LRP1B: variants seen among roughly 807,000 people sequenced by gnomAD.
The protein encoded by LRP1B is low-density lipoprotein receptor-related protein 1B.
LRP1B carries 217 observed loss-of-function variants against 556.6 expected under a neutral mutation model. The observed-to-expected ratio is 0.39, with a 90% CI of 0.35 to 0.44. The LOEUF (loss-of-function observed/expected upper bound fraction) is 0.44. Among genes scored for constraint, LRP1B ranks in the 20% least tolerant of loss-of-function variants. LRP1B has a pLI of 1.00. For synonymous variants in LRP1B, 2,047 were observed against 1,865.8 expected, an observed-to-expected ratio of 1.10 and a Z score of -2.50; for missense variants, 5,053 against 5,620.8, an observed-to-expected ratio of 0.90 and a Z score of 3.23.
intron 3 of LRP1B, among the ~76,000 whole-genome samples, chr2:141,384,131 A>G (rs1030561279): frequency 6.6e-6 from 1 of 152,186 alleles, no homozygotes; most frequent in African/African-American, 2.4e-5. Context: ...TTAAAAGGTG[A>G]AAGGTCAAAT....
chr2:141,065,321 A>G (rs568398383), intron 7 of LRP1B, among the ~76,000 whole-genome samples: 5 of 152,070 alleles, frequency 3.3e-5, no homozygotes, highest in Admixed American at 3.3e-4. Context: ...TTGCATAACC[A>G]CAGTATATCT....
At chr2:141,591,415 T>G (rs1174378551) in intron 2 of LRP1B, among the ~76,000 whole-genome samples, 2 of 146,678 alleles carry the variant, frequency 1.4e-5, no homozygotes, top group Non-Finnish European at 3.0e-5. Context: ...GACCAGGCCA[T>G]AGGAAAAAAA....
At chr2:141,700,055 A>T (rs78420717) in intron 2 of LRP1B, among the ~76,000 whole-genome samples, 325 of 151,692 alleles carry the variant, frequency 2.1e-3, no homozygotes, top group African/African-American at 7.6e-3. Context: ...AACTTTAGAT[A>T]TTGCTTTATG....
At chr2:141,728,341 C>T (rs1025697992) in intron 2 of LRP1B, among the ~76,000 whole-genome samples, 5 of 152,086 alleles carry the variant, frequency 3.3e-5, no homozygotes, top group African/African-American at 7.2e-5. Flanking sequence ...CCAGAGCAGC[C>T]GTGCCTCCCT....
chr2:141,106,354 C>T (rs1400401353), intron 7 of LRP1B, among the ~76,000 whole-genome samples: 1 of 152,120 alleles, frequency 6.6e-6, no homozygotes, highest in Non-Finnish European at 1.5e-5. Context: ...AGGAAAACAC[C>T]TAGGTGCTTA....
chr2:141,368,499 A>G (rs1689122036), intron 3 of LRP1B, among the ~76,000 whole-genome samples: 1 of 152,234 alleles, frequency 6.6e-6, no homozygotes, highest in Non-Finnish European at 1.5e-5. Flanking sequence ...CATCCATCAT[A>G]TGAGGACAGA....
chr2:140,632,188 C>T (rs1683910909), intron 41 of LRP1B, among the ~76,000 whole-genome samples: 1 of 151,996 alleles, frequency 6.6e-6, no homozygotes, highest in Admixed American at 6.5e-5. Flanking sequence ...CAAGTCAAAA[C>T]TCAGACCTAT....
At chr2:140,913,681 T>C (rs10496860) in intron 21 of LRP1B, among the ~76,000 whole-genome samples, 25,762 of 151,948 alleles carry the variant, frequency 0.17, 2,626 homozygotes, top group East Asian at 0.4. Flanking sequence ...AGTTCTTTCT[T>C]ATGCTGATCT....
intron 2 of LRP1B, among the ~76,000 whole-genome samples, chr2:141,639,423 T>TATA (rs201861541): frequency 4.5e-5 from 6 of 132,252 alleles, no homozygotes; most frequent in Non-Finnish European, 9.5e-5. Context: ...TATATATATA[T>TATA]TTTTTTTTGA....
chr2:141,004,125 A>G (rs1250311646), intron 15 of LRP1B, among the ~76,000 whole-genome samples: 3 of 152,082 alleles, frequency 2.0e-5, no homozygotes, highest in South Asian at 4.1e-4. Flanking sequence ...ACAAGAGACA[A>G]TCATTATAAG....
chr2:140,798,643 G>T (rs1037853634), intron 32 of LRP1B, among the ~76,000 whole-genome samples: 4 of 152,122 alleles, frequency 2.6e-5, no homozygotes, highest in African/African-American at 9.7e-5. Context: ...TGTTATGGGG[G>T]CTGTCCTGTC....
intron 3 of LRP1B, among the ~76,000 whole-genome samples, chr2:141,414,424 C>T (rs1559057366): frequency 2.0e-5 from 3 of 151,722 alleles, no homozygotes; most frequent in Non-Finnish European, 4.4e-5. Flanking sequence ...CCCCCTCATA[C>T]TGTGCCTCTT....
chr2:140,933,268 T>C (rs756175741), intron 20 of LRP1B, among the ~76,000 whole-genome samples: 4 of 151,984 alleles, frequency 2.6e-5, no homozygotes, highest in Admixed American at 1.3e-4. Context: ...GTCAAATAGG[T>C]TCTAAAGGAA....
chr2:141,058,412 A>G (rs1558831194), intron 9 of LRP1B, among the ~76,000 whole-genome samples: 1 of 151,788 alleles, frequency 6.6e-6, no homozygotes, highest in Non-Finnish European at 1.5e-5. Flanking sequence ...TGTTTTTCTG[A>G]GAAAAACTGC....
intron 41 of LRP1B, among the ~76,000 whole-genome samples, chr2:140,646,607 T>C (rs1416255913): frequency 1.3e-5 from 2 of 152,182 alleles, no homozygotes; most frequent in Non-Finnish European, 2.9e-5. Flanking sequence ...AAAGTACACA[T>C]ATAGCATTCA....
chr2:141,069,221 C>T (rs952394267), intron 7 of LRP1B, among the ~76,000 whole-genome samples: 5 of 151,946 alleles, frequency 3.3e-5, no homozygotes, highest in East Asian at 1.9e-4. Context: ...AAAGCAAATT[C>T]GCTTTTTAGG....
chr2:141,810,350 C>T lies in LRP1B; in HGVS notation c.134G>A (p.Cys45Tyr), dbSNP rs2105707559. Residue 45 changes from cysteine (C) to tyrosine (Y), a missense_variant, in exon 2 of 91, where the codon TGT becomes TAT. Around this residue, in one of 5 missense-constraint regions of LRP1B, gnomAD observed 3,619 missense variants for 3,931.9 expected, o/e 0.92. Transcript: ENST00000389484. The part of the protein sequence containing the change: ...GEFLCHDHVT[C>Y]VSQSWLCDGD... ...ATCACACAGCCAGCTCTGGGAGACA[C>T]AAGTCACGTGATCGTGGCAAAGAAA... The T allele has an allele frequency of 6.2e-7, 1 of 1,613,074 alleles. No homozygotes were observed. The highest frequency in any genetic ancestry group is 2.2e-5 in the East Asian group (1 of 44,834).
chr2:140,830,895 C>T (rs573308608), intron 31 of LRP1B, among the ~76,000 whole-genome samples: 2 of 152,124 alleles, frequency 1.3e-5, no homozygotes, highest in East Asian at 3.9e-4. Flanking sequence ...TAATCAGTGG[C>T]ATTTATATCA....
chr2:140,367,311 A>T (rs533473006), intron 71 of LRP1B, among the ~76,000 whole-genome samples: 1 of 151,896 alleles, frequency 6.6e-6, no homozygotes, highest in African/African-American at 2.4e-5. Context: ...TAGACCAAGA[A>T]TTTGTAGTGA....
Sources: allele counts gnomAD v4.1 joint callset (sites outside exome capture counted in the v4.1 genomes callset), GRCh38; gene constraint gnomAD v4.1.1; regional missense constraint gnomAD v4.1.1; transcripts MANE v1.5; gene names NCBI Gene and HGNC (gene_info 2026-07-23, HGNC 2026-07-21).